SRGAP2C: variants seen among roughly 807,000 people sequenced by gnomAD.
SRGAP2C encodes SLIT-ROBO Rho GTPase activating protein 2C.
Under a neutral mutation model 25.1 loss-of-function variants are expected in SRGAP2C, and 15 were observed. The ratio of observed to expected loss-of-function variants is 0.60; its 90% CI spans 0.40 to 0.92. The LOEUF is 0.92. Among genes scored for constraint, SRGAP2C ranks in the 40% least tolerant of loss-of-function variants. SRGAP2C has a pLI of 0.00. For synonymous variants in SRGAP2C, 44 were observed against 96.6 expected, an observed-to-expected ratio of 0.46 and a Z score of 3.19; for missense variants, 144 against 264.4, an observed-to-expected ratio of 0.54 and a Z score of 3.16.
intron 2 of SRGAP2C, among the ~76,000 whole-genome samples, chr1:121,275,722 T>A (rs1216496563): frequency 1.3e-5 from 2 of 150,272 alleles, no homozygotes; most frequent in Non-Finnish European, 3.0e-5. Flanking sequence ...AATGGATGAC[T>A]GAACGTCTTT....
chr1:121,354,261 C>CCTTTCTTTCTTTCTTT (rs61373397), intron 4 of SRGAP2C, among the ~76,000 whole-genome samples: 5 of 29,922 alleles, frequency 1.7e-4, no homozygotes, highest in African/African-American at 3.8e-4. Flanking sequence ...CTTTCTCTCT[C>CCTTTCTTTCTTTCTTT]CTTTCTTTCT....
intron 2 of SRGAP2C, among the ~76,000 whole-genome samples, chr1:121,204,648 T>C (rs1417275698): frequency 6.6e-6 from 1 of 152,162 alleles, no homozygotes; most frequent in Non-Finnish European, 1.5e-5. Context: ...GTTCCTTTTA[T>C]ATTCTGTTTA....
chr1:121,207,672 A>T (rs587714828), intron 2 of SRGAP2C, among the ~76,000 whole-genome samples: 3 of 152,256 alleles, frequency 2.0e-5, no homozygotes. Flanking sequence ...AGAGGGGATC[A>T]GGCTAAAACC....
intron 7 of SRGAP2C, among the ~76,000 whole-genome samples, chr1:121,378,703 T>G (rs1659733991): frequency 6.6e-6 from 1 of 152,112 alleles, no homozygotes; most frequent in Admixed American, 6.5e-5. Context: ...TTGCAGTCCA[T>G]TGCCATCTGT....
intron 3 of SRGAP2C, among the ~76,000 whole-genome samples, chr1:121,310,737 G>A (rs1225297077): frequency 5.7e-5 from 5 of 88,316 alleles, no homozygotes; most frequent in Admixed American, 4.7e-4. Flanking sequence ...ATAGTTGTAG[G>A]TATGCGGCGT....
chr1:121,294,476 C>T lies in SRGAP2C; in HGVS notation c.260+9481C>T, dbSNP rs1158543733. On this transcript the variant is annotated intron_variant, in intron 3 of 9. Transcript: ENST00000367123. ...GAAGATGTTCTTGCATTTTCTTTGG[C>T]TCCTTGAAGAGCATAAATGTATTCC... Among the ~76,000 whole-genome samples the T allele has an allele frequency of 6.2e-5, 9 of 144,538 alleles. No individual in the cohort carries two copies. The East Asian group carries it at 1.3e-3, about 20-fold the overall frequency. 94.8% of individuals were successfully genotyped at this position (144,538 alleles called of 152,430 possible). A position where few individuals can be genotyped will look rare whatever the true frequency, so the allele number is the denominator to read the frequency against.
At chr1:121,372,879 G>GCA (rs199523525) in intron 5 of SRGAP2C, among the ~76,000 whole-genome samples, 2,238 of 63,182 alleles carry the variant, frequency 0.035, 588 homozygotes, top group Non-Finnish European at 0.056. Flanking sequence ...ACACACACAT[G>GCA]CACACACACA....
chr1:121,295,766 T>G (rs1657584202), intron 3 of SRGAP2C, among the ~76,000 whole-genome samples: 1 of 151,370 alleles, frequency 6.6e-6, no homozygotes, highest in Non-Finnish European at 1.5e-5. Context: ...TTGTTGTTGT[T>G]TGGGTTTTTT....
chr1:121,379,229 C>A (rs1176603907), intron 7 of SRGAP2C, among the ~76,000 whole-genome samples: 2 of 152,102 alleles, frequency 1.3e-5, no homozygotes, highest in African/African-American at 4.8e-5. Flanking sequence ...GTGAAACACC[C>A]ATTTTTCCTT....
chr1:121,269,877 G>A (rs1553334975), intron 2 of SRGAP2C, among the ~76,000 whole-genome samples: 1 of 150,026 alleles, frequency 6.7e-6, no homozygotes, highest in African/African-American at 2.4e-5. Flanking sequence ...TTGTCTGGAA[G>A]AATTAGGTAA....
At chr1:121,332,510 G>C (rs1416540421) in intron 4 of SRGAP2C, among the ~76,000 whole-genome samples, 1 of 151,914 alleles carries the variant, frequency 6.6e-6, no homozygotes, top group African/African-American at 2.4e-5. Flanking sequence ...AGAGTGCTGA[G>C]GAAGGAATGT....
At chr1:121,217,003 C>A (rs1311229404) in intron 2 of SRGAP2C, among the ~76,000 whole-genome samples, 5 of 149,540 alleles carry the variant, frequency 3.3e-5, no homozygotes, top group Non-Finnish European at 7.4e-5. Flanking sequence ...GATTCCACAA[C>A]CTATTTTGAA....
chr1:121,210,280 AT>A, intron 2 of SRGAP2C, among the ~76,000 whole-genome samples: 1 of 150,606 alleles, frequency 6.6e-6, no homozygotes, highest in African/African-American at 2.5e-5. Flanking sequence ...TGACATATGT[AT>A]GCTGGTTCCC....
chr1:121,188,348 C>G (rs1407381912), intron 2 of SRGAP2C, among the ~76,000 whole-genome samples: 1 of 152,134 alleles, frequency 6.6e-6, no homozygotes, highest in East Asian at 1.9e-4. Flanking sequence ...CTCATCTAGT[C>G]GACTGACTTG....
intron 4 of SRGAP2C, among the ~76,000 whole-genome samples, chr1:121,355,287 T>A (rs1412963215): frequency 7.3e-6 from 1 of 137,744 alleles, no homozygotes; most frequent in African/African-American, 2.7e-5. Flanking sequence ...GCCTGACAAC[T>A]GCGGGTAGAT....
Position 121,391,665 on chromosome 1 carries a change from A to G in SRGAP2C, c.*3810A>G, listed in dbSNP as rs868922751. The G allele has an allele frequency of 2.4e-4, 37 of 151,832 alleles. No individual in the cohort carries two copies. Among genetic ancestry groups the G allele is most frequent in the Admixed American group, 5.2e-4 (8 of 15,292 alleles). 9.4% of individuals were successfully genotyped at this position (151,832 alleles called of 1,614,324 possible). A position where few individuals can be genotyped will look rare whatever the true frequency, so the allele number is the denominator to read the frequency against. Reference sequence around the variant, plus strand: ...TTTGGAAAATTTCACTAAAAAAAAAAATCCTTAACAATATAATAAGTAAAG... The same window carrying G: ...TTTGGAAAATTTCACTAAAAAAAAAGATCCTTAACAATATAATAAGTAAAG... On this transcript the variant is annotated 3_prime_UTR_variant, in exon 10 of 10. Transcript: ENST00000367123.
chr1:121,305,056 C>A (rs1230348076), intron 3 of SRGAP2C, among the ~76,000 whole-genome samples: 6 of 150,626 alleles, frequency 4.0e-5, no homozygotes, highest in Admixed American at 2.6e-4. Context: ...ACAAACCAAC[C>A]ATTTTCCCCT....
chr1:121,202,306 T>A lies in SRGAP2C; in HGVS notation c.67+14793T>A, dbSNP rs147385584. Among the ~76,000 whole-genome samples, 810 of 152,164 alleles carry A rather than the reference T, an allele frequency of 5.3e-3. 1 individual carries two copies. Among genetic ancestry groups the A allele is most frequent in the Non-Finnish European group, 8.0e-3 (547 of 67,998 alleles). On this transcript the variant is annotated intron_variant, in intron 2 of 9. Coordinates refer to ENST00000367123, the MANE Select transcript of SRGAP2C (RefSeq NM_001329984.2). The stretch of plus-strand genomic sequence containing the variant: ...AGGTGTTGGCTTATAGCTACTGGAG[T>A]CTTCTTCTTTCCTGTCCCCTCCCCT...
At chr1:121,295,165 A>T (rs1337372441) in intron 3 of SRGAP2C, among the ~76,000 whole-genome samples, 1 of 114,648 alleles carries the variant, frequency 8.7e-6, no homozygotes, top group African/African-American at 3.2e-5. Context: ...AGCACTTTTG[A>T]GGTACAGTGA....
Sources: gnomAD v4.1 joint callset for allele counts (sites outside exome capture counted in the v4.1 genomes callset) on GRCh38, gnomAD v4.1.1 for gene constraint, MANE v1.5 for transcripts, NCBI Gene and HGNC (gene_info 2026-07-23, HGNC 2026-07-21) for gene names.